The following ZNF713 variants were observed in gnomAD, a reference collection of about 807,000 sequenced individuals.
ZNF713 encodes the protein zinc finger protein 713.
Under a neutral mutation model 28.7 loss-of-function variants are expected in ZNF713, and 21 were observed. The observed-to-expected ratio is 0.73, with a 90% confidence interval of 0.52 to 1.05. The LOEUF (loss-of-function observed/expected upper bound fraction) is 1.05. Among genes scored for constraint, ZNF713 ranks in the 50% least tolerant of loss-of-function variants. The pLI is 0.00. For missense variants in ZNF713, 458 were observed against 532.4 expected (o/e 0.86, Z 1.37); for synonymous variants, 167 against 178.0 (o/e 0.94, Z 0.49).
chr7:55,935,755 C>T (rs1181130481), intron 6 of ZNF713, among the ~76,000 whole-genome samples: 26 of 151,764 alleles, frequency 1.7e-4, no homozygotes, highest in Non-Finnish European at 2.9e-5. Flanking sequence ...AGATCGAGAC[C>T]ATCCTGGCTA....
rs1229831283 is a variant in ZNF713 at position 55,939,350 on chromosome 7, CAG to C, written c.677_678del (p.Gln226ArgfsTer10). 2 of 1,613,976 alleles carry C rather than the reference CAG, an allele frequency of 1.2e-6. No homozygotes were observed. Among genetic ancestry groups the C allele is most frequent in the Non-Finnish European group, 1.7e-6 (2 of 1,180,016 alleles). ...ACATAATTCAGACTTGATTTACTATCAGGGAAATTATGTAAGAGAGACTCCCT... is the reference window on the plus strand; with the variant it reads ...ACATAATTCAGACTTGATTTACTATCGGAAATTATGTAAGAGAGACTCCCT... ...IKHNSDLIYY[Q>X]GNYVRETPYE... On this transcript the variant is annotated frameshift_variant, in exon 7 of 7. Transcript: ENST00000429591. LOFTEE classifies it high-confidence loss of function.
At chr7:55,933,140 G>A (rs1786275464) in intron 6 of ZNF713, among the ~76,000 whole-genome samples, 2 of 151,448 alleles carry the variant, frequency 1.3e-5, no homozygotes, top group Non-Finnish European at 2.9e-5. Flanking sequence ...GGGAGGCTGA[G>A]GCAGGAGAAT....
intron 6 of ZNF713, among the ~76,000 whole-genome samples, chr7:55,931,339 GTGTC>G: frequency 6.6e-6 from 1 of 151,896 alleles, no homozygotes; most frequent in Middle Eastern, 3.4e-3. Flanking sequence ...CGTTATCACT[GTGTC>G]TGATGAACTC....
chr7:55,902,743 A>G (rs1159110148), intron 1 of ZNF713, among the ~76,000 whole-genome samples: 1 of 152,200 alleles, frequency 6.6e-6, no homozygotes, highest in Non-Finnish European at 1.5e-5. Flanking sequence ...CTAAGGAAAA[A>G]TAAAACTGAA....
At chr7:55,931,603 C>G (rs1475413919) in intron 6 of ZNF713, among the ~76,000 whole-genome samples, 3 of 151,454 alleles carry the variant, frequency 2.0e-5, no homozygotes, top group East Asian at 3.9e-4. Flanking sequence ...CCTCTCTCCT[C>G]TCCCTCCTTC....
rs1278771238 is a variant in ZNF713 at position 55,939,493 on chromosome 7, TAGCC to T, written c.824_827del (p.Gln275LeufsTer58). On this transcript the variant is annotated frameshift_variant, in exon 7 of 7. Coordinates refer to ENST00000429591, the MANE Select transcript of ZNF713 (RefSeq NM_182633.3). LOFTEE classifies it high-confidence loss of function. Reference sequence around the variant, plus strand: ...AGGCCTTCAGCCACACCTCATCTCTTAGCCAGCCTCAGATGTTGCTTACAGGAGA... The same window carrying T: ...AGGCCTTCAGCCACACCTCATCTCTTAGCCTCAGATGTTGCTTACAGGAGA... 1 of 1,614,108 alleles carries T rather than the reference TAGCC, an allele frequency of 6.2e-7. No individual in the cohort carries two copies. Among genetic ancestry groups the T allele is most frequent in the South Asian group, 1.1e-5 (1 of 91,060 alleles).
At chr7:55,915,951 A>C (rs928175927) in intron 4 of ZNF713, among the ~76,000 whole-genome samples, 4 of 152,230 alleles carry the variant, frequency 2.6e-5, no homozygotes, top group Admixed American at 2.6e-4. Context: ...AAAACCAGTT[A>C]AGCTACTGTA....
chr7:55,920,460 C>G (rs1417607509), intron 4 of ZNF713, among the ~76,000 whole-genome samples: 1 of 152,248 alleles, frequency 6.6e-6, no homozygotes, highest in East Asian at 1.9e-4. Context: ...CCAGCCACAA[C>G]ATTCCCTTAA....
intron 1 of ZNF713, among the ~76,000 whole-genome samples, chr7:55,904,949 A>G (rs546433154): frequency 6.6e-6 from 1 of 152,048 alleles, no homozygotes; most frequent in Non-Finnish European, 1.5e-5. Context: ...CTGGTCTCGA[A>G]CTCCTGACCT....
chr7:55,934,049 T>G (rs536476475), intron 6 of ZNF713, among the ~76,000 whole-genome samples: 1 of 152,238 alleles, frequency 6.6e-6, no homozygotes, highest in South Asian at 2.1e-4. Flanking sequence ...GGCTACCAGA[T>G]TTTGTGTGGG....
intron 1 of ZNF713, among the ~76,000 whole-genome samples, chr7:55,889,345 G>A (rs1207761019): frequency 6.6e-6 from 1 of 151,938 alleles, no homozygotes; most frequent in Non-Finnish European, 1.5e-5. Context: ...CAGGTGATCC[G>A]CCCACCTCGG....
intron 6 of ZNF713, among the ~76,000 whole-genome samples, chr7:55,937,222 C>A (rs1017413105): frequency 1.3e-5 from 2 of 151,960 alleles, no homozygotes; most frequent in African/African-American, 2.4e-5. Flanking sequence ...ATCGCTTGAA[C>A]CCACAAGACA....
intron 6 of ZNF713, among the ~76,000 whole-genome samples, chr7:55,934,911 C>T (rs1370683256): frequency 1.4e-4 from 19 of 139,154 alleles, no homozygotes; most frequent in African/African-American, 3.5e-4. Flanking sequence ...TTTCCTGAGA[C>T]GGAGTCTTGC....
intron 6 of ZNF713, among the ~76,000 whole-genome samples, chr7:55,932,949 T>C (rs1433035603): frequency 6.9e-6 from 1 of 145,174 alleles, no homozygotes; most frequent in Non-Finnish European, 1.5e-5. Context: ...AAAAATACTT[T>C]GGTACTGACT....
At chr7:55,905,869 C>T (rs374248629) in intron 1 of ZNF713, among the ~76,000 whole-genome samples, 15 of 151,926 alleles carry the variant, frequency 9.9e-5, no homozygotes, top group Admixed American at 2.6e-4. Context: ...TTTGGGAGAC[C>T]GAGACGGGCG....
Position 55,940,591 on chromosome 7 carries a change from C to T in ZNF713, c.*585C>T, listed in dbSNP as rs1786447538. 3 of 975,494 alleles carry T rather than the reference C, an allele frequency of 3.1e-6. No individual in the cohort carries two copies. Among genetic ancestry groups the T allele is most frequent in the African/African-American group, 3.5e-5 (2 of 56,828 alleles). The allele number at this position is 975,494 out of a possible 1,614,324, so 60.4% of individuals were successfully genotyped here. A position where few individuals can be genotyped will look rare whatever the true frequency, so the allele number is the denominator to read the frequency against. ...AAAACTTTTTAAAAAATCAGAAGTC[C>T]TTATCCAGGCATGGTGGTGCACACC... On this transcript the variant is annotated 3_prime_UTR_variant, in exon 7 of 7. Transcript: ENST00000429591.
At position 55,923,529 on chromosome 7, in the gene ZNF713, A is replaced by C. The variant is rs547222511; in HGVS notation, c.215-78A>C. The C allele has an allele frequency of 3.0e-6, 4 of 1,323,580 alleles. No individual in the cohort carries two copies. The African/African-American group carries it at 5.8e-5, about 19-fold the overall frequency. The allele number at this position is 1,323,580 out of a possible 1,614,324, so 82.0% of individuals were successfully genotyped here. On this transcript the variant is annotated intron_variant, in intron 5 of 6. Coordinates refer to ENST00000429591, the MANE Select transcript of ZNF713 (RefSeq NM_182633.3). Reference sequence around the variant, plus strand: ...AGTCTCCCCTCCAGAGGCTCTAAAGATTGAAAAGGTTGGGAGTGTGTCTGA... The same window carrying C: ...AGTCTCCCCTCCAGAGGCTCTAAAGCTTGAAAAGGTTGGGAGTGTGTCTGA...
Position 55,919,395 on chromosome 7 carries a change from C to T in ZNF713, c.88-3767C>T, listed in dbSNP as rs181819011. Among the ~76,000 whole-genome samples, 4 of 150,006 alleles carry T rather than the reference C, an allele frequency of 2.7e-5. No homozygotes were observed. The East Asian group carries it at 8.1e-4, about 30-fold the overall frequency. ...AAGGTGATGTGCCAATGCAGTCTCA[C>T]AGGGAACCCAAAGGAGAGAATGGCT... On this transcript the variant is annotated intron_variant, in intron 4 of 6. Transcript: ENST00000429591.
chr7:55,915,473 C>G (rs1348278947), intron 4 of ZNF713, among the ~76,000 whole-genome samples: 1 of 151,980 alleles, frequency 6.6e-6, no homozygotes, highest in Non-Finnish European at 1.5e-5. Flanking sequence ...CATTTAGCAA[C>G]TATACTAATA....
Sources: allele counts gnomAD v4.1 joint callset (sites outside exome capture counted in the v4.1 genomes callset), GRCh38; gene constraint gnomAD v4.1.1; transcripts MANE v1.5; gene names NCBI Gene and HGNC (gene_info 2026-07-23, HGNC 2026-07-21).